ACER3: variants seen among roughly 807,000 people sequenced by gnomAD.
ACER3 encodes the protein alkCDase 3.
Under a neutral mutation model 48.9 loss-of-function variants are expected in ACER3, and 16 were observed. The observed-to-expected ratio is 0.33, with a 90% CI of 0.22 to 0.50. ACER3 has a LOEUF of 0.50. Among genes scored for constraint, ACER3 ranks in the 20% least tolerant of loss-of-function variants. ACER3 has a pLI of 0.98. For synonymous variants in ACER3, 109 were observed against 107.8 expected (o/e 1.01, Z -0.07); for missense variants, 227 against 326.0 (o/e 0.70, Z 2.34).
Position 77,016,750 on chromosome 11 carries a change from C to T in ACER3, c.675C>T (p.Gly225=). The change falls in exon 9 of 11, where the codon GGC becomes GGT. Residue 225 remains glycine (G), a synonymous_variant. Coordinates refer to ENST00000532485, the MANE Select transcript of ACER3 (RefSeq NM_018367.7). ...QFHAWWHILT[G]LGSYLHILFS... ...ATGCATGGTGGCATATTTTAACTGG[C>T]CTTGGTTCCTATCTTCACATCCTTT... 1 of 1,597,528 alleles carries T rather than the reference C, an allele frequency of 6.3e-7. No individual in the cohort carries two copies. The highest frequency in any genetic ancestry group is 8.6e-7 in the Non-Finnish European group (1 of 1,169,536).
At chr11:76,908,667 A>G (rs1363959750) in intron 1 of ACER3, among the ~76,000 whole-genome samples, 1 of 152,218 alleles carries the variant, frequency 6.6e-6, no homozygotes, top group Non-Finnish European at 1.5e-5. Flanking sequence ...AAATGGCCAT[A>G]CTGCCCAAAG....
chr11:77,023,138 G>C lies in ACER3; in HGVS notation c.*2811G>C. 2.5e-6 allele frequency: 1 copy of C among 398,548 alleles called. No individual in the cohort carries two copies. The highest frequency in any genetic ancestry group is 2.1e-5 in the African/African-American group (1 of 48,746). 24.7% of individuals were successfully genotyped at this position (398,548 alleles called of 1,614,324 possible). On this transcript the variant is annotated 3_prime_UTR_variant, in exon 11 of 11. Coordinates refer to ENST00000532485, the MANE Select transcript of ACER3 (RefSeq NM_018367.7). ...CTGAAGTGATCTTTTTAATCCTTGT[G>C]ATAGTAAATGCATTGATAATTAACA...
chr11:76,953,521 C>T (rs1196694900), intron 2 of ACER3, among the ~76,000 whole-genome samples: 1 of 152,046 alleles, frequency 6.6e-6, no homozygotes, highest in Non-Finnish European at 1.5e-5. Context: ...TCACTTGAAC[C>T]TGGGAGGCGG....
intron 2 of ACER3, chr11:76,957,542 T>C: frequency 2.3e-6 from 1 of 432,236 alleles, no homozygotes; most frequent in Admixed American, 2.6e-5. Flanking sequence ...TTCCCAGGTT[T>C]ACGCGATCCT....
chr11:76,970,145 C>T (rs1948257549), intron 3 of ACER3, among the ~76,000 whole-genome samples: 1 of 152,046 alleles, frequency 6.6e-6, no homozygotes, highest in African/African-American at 2.4e-5. Context: ...TGTGCCTAAA[C>T]TCCAAAAGGG....
chr11:76,973,388 T>C (rs1028264652), intron 3 of ACER3, among the ~76,000 whole-genome samples: 2 of 152,206 alleles, frequency 1.3e-5, no homozygotes, highest in African/African-American at 4.8e-5. Context: ...AGTAGCCTGG[T>C]GAGCCTGACT....
At chr11:76,946,699 C>A (rs539197768) in intron 2 of ACER3, among the ~76,000 whole-genome samples, 1 of 152,322 alleles carries the variant, frequency 6.6e-6, no homozygotes, top group Non-Finnish European at 1.5e-5. Context: ...CTCCCCTCCC[C>A]TCCTTGGAGC....
chr11:76,998,989 A>T (rs1490169607), intron 7 of ACER3, among the ~76,000 whole-genome samples, 168 bp downstream of exon 7: 1 of 152,206 alleles, frequency 6.6e-6, no homozygotes, highest in Non-Finnish European at 1.5e-5. Context: ...CTGGGTCTTC[A>T]GACAAGTTGT....
At position 76,875,897 on chromosome 11, in the gene ACER3, G is replaced by A. The variant is rs138287975; in HGVS notation, c.103+14818G>A. Among the ~76,000 whole-genome samples the A allele has an allele frequency of 9.2e-5, 14 of 151,580 alleles. No homozygotes were observed. The East Asian group carries it at 9.7e-4, about 11-fold the overall frequency. On this transcript the variant is annotated intron_variant, in intron 1 of 10. Coordinates refer to ENST00000532485, the MANE Select transcript of ACER3 (RefSeq NM_018367.7). ...ATTATAGGAGAGCACCACCACACCC[G>A]GCTAATTTTTGTATTATTAGTAGAG...
At position 76,998,811 on chromosome 11, in the gene ACER3, A is replaced by G; in HGVS notation, c.487A>G (p.Ile163Val). 2.5e-6 allele frequency: 4 copies of G among 1,594,864 alleles called. No homozygotes were observed. Among genetic ancestry groups the G allele is most frequent in the East Asian group, 2.3e-5 (1 of 43,178 alleles). Residue 163 changes from isoleucine (I) to valine (V), a missense_variant, in exon 7 of 11, where the codon ATT becomes GTT. Coordinates refer to ENST00000532485, the MANE Select transcript of ACER3 (RefSeq NM_018367.7). ...TACATTAGTACTTCGATCTATTTAT[A>G]TTGTTACATGGTAAGTAGTTTGGAT... The part of the protein sequence containing the change: ...VFTLVLRSIY[I>V]VTWVYPWLRG...
chr11:76,941,510 CAG>C (rs1565190425), intron 2 of ACER3, among the ~76,000 whole-genome samples: 1 of 151,870 alleles, frequency 6.6e-6, no homozygotes, highest in African/African-American at 2.4e-5. Flanking sequence ...TTTTTTGAGA[CAG>C]AGTCTTGCAG....
chr11:76,974,290 C>G (rs1948380809), intron 3 of ACER3, among the ~76,000 whole-genome samples: 1 of 152,186 alleles, frequency 6.6e-6, no homozygotes. Context: ...GGCTGCTGTT[C>G]TATATCTTCT....
At chr11:76,957,941 TA>T (rs869218727) in intron 2 of ACER3, among the ~76,000 whole-genome samples, 34 of 151,244 alleles carry the variant, frequency 2.2e-4, no homozygotes, top group African/African-American at 7.0e-4. Context: ...AGAATCTTTT[TA>T]TTTTTTAATT....
At chr11:77,009,613 C>A (rs1381419351) in intron 7 of ACER3, among the ~76,000 whole-genome samples, 1 of 152,116 alleles carries the variant, frequency 6.6e-6, no homozygotes, top group Non-Finnish European at 1.5e-5. Flanking sequence ...CATTCAAGAC[C>A]AACCTGGCAA....
intron 2 of ACER3, among the ~76,000 whole-genome samples, chr11:76,936,479 CTT>C (rs1947189167): frequency 6.6e-6 from 1 of 151,994 alleles, no homozygotes; most frequent in Admixed American, 6.5e-5. Context: ...GGGGAAGAAT[CTT>C]TGGGAAAAGA....
At chr11:76,956,159 CAATTG>C (rs1247799368) in intron 2 of ACER3, among the ~76,000 whole-genome samples, 1 of 152,102 alleles carries the variant, frequency 6.6e-6, no homozygotes, top group African/African-American at 2.4e-5. Flanking sequence ...ATACTGAAAA[CAATTG>C]AATTGTATAC....
chr11:76,875,755 T>TTTTTTTTTC (rs1945362944), intron 1 of ACER3, among the ~76,000 whole-genome samples: 1 of 137,120 alleles, frequency 7.3e-6, no homozygotes, highest in African/African-American at 3.2e-5. Flanking sequence ...TTTTTTTTTT[T>TTTTTTTTTC]TGTGGAGTCT....
chr11:76,933,536 C>G (rs1351704989), intron 2 of ACER3, among the ~76,000 whole-genome samples: 7 of 151,850 alleles, frequency 4.6e-5, no homozygotes, highest in African/African-American at 7.2e-5. Context: ...CATCTTGCAC[C>G]GTCCTTAATC....
At chr11:77,016,833 T>C (rs1949381424) in intron 9 of ACER3, 54 bp downstream of exon 9, 5 of 933,784 alleles carry the variant, frequency 5.4e-6, no homozygotes, top group African/African-American at 1.8e-5. Flanking sequence ...TTTTTTTTTT[T>C]CTTTACTCTT....
Sources: gnomAD v4.1 joint callset for allele counts (sites outside exome capture counted in the v4.1 genomes callset) on GRCh38, gnomAD v4.1.1 for gene constraint, MANE v1.5 for transcripts, NCBI Gene and HGNC (gene_info 2026-07-23, HGNC 2026-07-21) for gene names.